TNFAIP8: variants seen among roughly 807,000 people sequenced by gnomAD.
The protein encoded by TNFAIP8 is TNF alpha induced protein 8.
A neutral mutation model predicts 13.3 loss-of-function variants in TNFAIP8; 7 were observed. The ratio of observed to expected loss-of-function variants is 0.52; its 90% CI spans 0.30 to 0.99. The LOEUF (loss-of-function observed/expected upper bound fraction) is 0.99, where lower values mean the gene tolerates loss of function less well. TNFAIP8 is among the 50% of genes least tolerant of loss of function. TNFAIP8 has a pLI of 0.07. For missense variants in TNFAIP8, 258 were observed against 236.9 expected (o/e 1.09, Z -0.58); for synonymous variants, 94 against 87.6 (o/e 1.07, Z -0.41).
chr5:119,367,094 G>A (rs927011967), intron 1 of TNFAIP8, among the ~76,000 whole-genome samples: 1 of 152,092 alleles, frequency 6.6e-6, no homozygotes, highest in Non-Finnish European at 1.5e-5. Flanking sequence ...CTGGGGAAAG[G>A]GTCATTCTTG....
At chr5:119,333,578 G>C in intron 1 of TNFAIP8, 1 of 1,535,596 alleles carries the variant, frequency 6.5e-7, no homozygotes, top group Admixed American at 2.0e-5. Flanking sequence ...ACTCTACCAA[G>C]ATACTGTGAA....
intron 1 of TNFAIP8, among the ~76,000 whole-genome samples, chr5:119,305,798 G>T (rs890460572): frequency 1.3e-5 from 2 of 152,156 alleles, no homozygotes; most frequent in Non-Finnish European, 2.9e-5. Flanking sequence ...CTGAGGTATG[G>T]GTAGGCCAGA....
chr5:119,346,562 G>T (rs1750908006), intron 1 of TNFAIP8, among the ~76,000 whole-genome samples: 1 of 152,146 alleles, frequency 6.6e-6, no homozygotes, highest in African/African-American at 2.4e-5. Context: ...CTTAGAAATT[G>T]GGTTGAATCC....
rs376703661 is a variant in TNFAIP8 at position 119,278,352 on chromosome 5, G to GGGAGAGAGA, written c.1+9446_1+9447insGAGAGAGAG. ...CAACCTCTTTTTAAGACAGGAAGGG[G>GGGAGAGAGA]GAGAGAGAGAGAGAGAGAGAGAGAG... On this transcript the variant is annotated intron_variant, in intron 1 of 1. Transcript: ENST00000274456. Among the ~76,000 whole-genome samples the GGGAGAGAGA allele has an allele frequency of 5.8e-4, 72 of 123,178 alleles. 5 individuals are homozygous for GGGAGAGAGA. The highest frequency in any genetic ancestry group is 1.3e-3 in the South Asian group (5 of 3,850). The allele number at this position is 123,178 out of a possible 152,430, so 80.8% of individuals were successfully genotyped here.
intron 1 of TNFAIP8, chr5:119,316,350 G>C (rs1581598783): frequency 6.6e-6 from 1 of 151,964 alleles, no homozygotes; most frequent in Non-Finnish European, 1.5e-5. Flanking sequence ...TGTAAGAAAC[G>C]GTTTCGCCAT....
chr5:119,358,921 A>T lies in TNFAIP8; in HGVS notation c.31+2800A>T, dbSNP rs147641701. Among the ~76,000 whole-genome samples, 673 of 152,190 alleles carry T rather than the reference A, an allele frequency of 4.4e-3. 9 individuals are homozygous for T. The highest frequency in any genetic ancestry group is 0.042 in the South Asian group (204 of 4,810). On this transcript the variant is annotated intron_variant, in intron 1 of 1. Coordinates refer to ENST00000504771, the MANE Select transcript of TNFAIP8 (RefSeq NM_014350.4). ...GGAAAAGAGTGAGGATTGAGTGGTG[A>T]GTGAGTCTGGCTCGCTCCTCCATTG...
intron 1 of TNFAIP8, among the ~76,000 whole-genome samples, chr5:119,312,839 T>G (rs909738423): frequency 6.6e-6 from 1 of 151,706 alleles, no homozygotes; most frequent in African/African-American, 2.4e-5. Flanking sequence ...GGGCAGAGGT[T>G]AGCTCTCAGA....
rs185727318 is a variant in TNFAIP8 at position 119,342,513 on chromosome 5, G to A, written c.2-50303G>A. Among the ~76,000 whole-genome samples the A allele has an allele frequency of 3.1e-3, 472 of 152,124 alleles. 2 individuals are homozygous for A. Among genetic ancestry groups the A allele is most frequent in the African/African-American group, 0.011 (447 of 41,488 alleles). ...ACTTAAAGCTGTGCTAAATTTGCAG[G>A]GTTTTTTTTTGATAATGCTTTCTCC... On this transcript the variant is annotated intron_variant, in intron 1 of 1. Transcript: ENST00000274456.
At chr5:119,298,939 C>G (rs1006260440) in intron 1 of TNFAIP8, among the ~76,000 whole-genome samples, 9 of 152,302 alleles carry the variant, frequency 5.9e-5, no homozygotes, top group Non-Finnish European at 1.2e-4. Context: ...AGTTCTCAAG[C>G]CTTGGCTTTC....
chr5:119,326,722 T>A (rs1292558952), intron 1 of TNFAIP8, among the ~76,000 whole-genome samples: 1 of 152,000 alleles, frequency 6.6e-6, no homozygotes, highest in Non-Finnish European at 1.5e-5. Context: ...AGGATGAGCC[T>A]GAAGGAGGTT....
At chr5:119,305,172 AG>A (rs1257183385) in intron 1 of TNFAIP8, among the ~76,000 whole-genome samples, 2 of 152,156 alleles carry the variant, frequency 1.3e-5, no homozygotes, top group African/African-American at 2.4e-5. Flanking sequence ...GGAAAATAAA[AG>A]GTTTCAGAAA....
intron 1 of TNFAIP8, among the ~76,000 whole-genome samples, chr5:119,278,376 A>AGAGT (rs760411484): frequency 8.6e-4 from 93 of 108,234 alleles, no homozygotes; most frequent in African/African-American, 2.0e-3. Flanking sequence ...AGAGAGAGAG[A>AGAGT]GTGTGTGTGT....
At chr5:119,363,400 C>T (rs910417168) in intron 1 of TNFAIP8, among the ~76,000 whole-genome samples, 2 of 152,140 alleles carry the variant, frequency 1.3e-5, no homozygotes, top group African/African-American at 4.8e-5. Context: ...AGCAAGTGCC[C>T]CAGCCTCCTG....
chr5:119,355,178 C>A, upstream of TNFAIP8: 1 of 652,938 alleles, frequency 1.5e-6, no homozygotes, highest in Non-Finnish European at 2.8e-6. Flanking sequence ...TTTATTCTAT[C>A]AGCATTTCAA....
At chr5:119,270,792 A>T (rs535267061) in intron 1 of TNFAIP8, among the ~76,000 whole-genome samples, 2 of 152,358 alleles carry the variant, frequency 1.3e-5, no homozygotes, top group African/African-American at 4.8e-5. Context: ...TGTAGACTTT[A>T]TAAACCATTA....
chr5:119,364,650 C>T (rs368559930), intron 1 of TNFAIP8, among the ~76,000 whole-genome samples: 1 of 151,394 alleles, frequency 6.6e-6, no homozygotes, highest in Non-Finnish European at 1.5e-5. Flanking sequence ...GCCCAGTTAT[C>T]ACTCTTATCA....
At chr5:119,377,465 A>G (rs1419117409) in intron 1 of TNFAIP8, among the ~76,000 whole-genome samples, 1 of 152,146 alleles carries the variant, frequency 6.6e-6, no homozygotes, top group Non-Finnish European at 1.5e-5. Context: ...GAATGGGGGA[A>G]AGTTTTTCTG....
At chr5:119,323,415 A>T (rs573695705) in intron 1 of TNFAIP8, among the ~76,000 whole-genome samples, 1 of 152,242 alleles carries the variant, frequency 6.6e-6, no homozygotes, top group East Asian at 1.9e-4. Flanking sequence ...ATCTCTGGCC[A>T]CTTGTTTGTC....
chr5:119,281,422 C>A (rs1467474903), intron 1 of TNFAIP8, among the ~76,000 whole-genome samples: 1 of 151,970 alleles, frequency 6.6e-6, no homozygotes, highest in African/African-American at 2.4e-5. Flanking sequence ...TTCTGTTTAA[C>A]CTCTTATATA....
Sources: allele counts gnomAD v4.1 joint callset (sites outside exome capture counted in the v4.1 genomes callset), GRCh38; gene constraint gnomAD v4.1.1; transcripts MANE v1.5; gene names NCBI Gene and HGNC (gene_info 2026-07-23, HGNC 2026-07-21).